The following WDR81 variants were observed in gnomAD, a reference collection of about 807,000 sequenced individuals.
WDR81 encodes WD repeat domain 81, also known as WD repeat-containing protein 81.
A neutral mutation model predicts 140.8 loss-of-function variants in WDR81; 92 were observed. That is an observed-to-expected ratio of 0.65 (90% confidence interval 0.55 to 0.78). The LOEUF is 0.78. Among genes scored for constraint, WDR81 ranks in the 30% least tolerant of loss-of-function variants. WDR81 has a pLI of 0.00. For synonymous variants in WDR81, 1,183 were observed against 1,156.4 expected (o/e 1.02, Z -0.47); for missense variants, 2,502 against 2,636.4 (o/e 0.95, Z 1.12).
At chr17:1,730,003 A>AAGAAGAAG (rs1555563755) in intron 1 of WDR81, among the ~76,000 whole-genome samples, 97 of 145,064 alleles carry the variant, frequency 6.7e-4, no homozygotes, top group East Asian at 1.2e-3. Context: ...AAAAAAAAAA[A>AAGAAGAAG]AAGAAGAAGA....
chr17:1,721,490 G>C (rs894497712), upstream of WDR81, among the ~76,000 whole-genome samples: 1 of 151,696 alleles, frequency 6.6e-6, no homozygotes, highest in African/African-American at 2.4e-5. Context: ...CTGCACTGCA[G>C]CCTGGGTGAC....
At chr17:1,718,856 A>G (rs1914722719) in intron 1 of WDR81, among the ~76,000 whole-genome samples, 1 of 151,640 alleles carries the variant, frequency 6.6e-6, no homozygotes, top group Admixed American at 6.6e-5. Flanking sequence ...CACTGACCCC[A>G]CCCCCTAGGT....
At chr17:1,716,991 C>T (rs1422838420) in intron 1 of WDR81, 1 of 389,450 alleles carries the variant, frequency 2.6e-6, no homozygotes. Flanking sequence ...CCCAGAGCCT[C>T]CCAAGAGGTA....
intron 6 of WDR81, 121 bp downstream of exon 6, chr17:1,732,952 G>T: frequency 1.5e-6 from 2 of 1,317,984 alleles, no homozygotes; most frequent in Middle Eastern, 1.9e-4. Flanking sequence ...GGATGGGTGA[G>T]AGCAAAGGGA....
In WDR81 at chr17:1,737,767, TCCCTC is replaced by T; in HGVS notation, c.*84_*88del. 1 of 1,477,534 alleles carries T rather than the reference TCCCTC, an allele frequency of 6.8e-7. No individual in the cohort carries two copies. Among genetic ancestry groups the T allele is most frequent in the East Asian group, 2.4e-5 (1 of 41,216 alleles). 91.5% of individuals were successfully genotyped at this position (1,477,534 alleles called of 1,614,324 possible). On this transcript the variant is annotated 3_prime_UTR_variant, in exon 10 of 10. Transcript: ENST00000409644. ...CTCACCCTGTTCCCTGAGCAGCAGC[TCCCTC>T]CAGGGAGGCCCTGGGTCCCACGCCC... is the stretch of plus-strand genomic sequence containing the variant.
Position 1,737,389 on chromosome 17 carries a change from A to G in WDR81, c.5530A>G (p.Ser1844Gly). The part of the protein sequence containing the change: ...IKAVEGSVLV[S>G]SSSDHSLTVW... ...GGCGGTGGAGGGCAGCGTCCTGGTC[A>G]GCTCCTCCTCTGACCATTCCTTGAC... is the stretch of plus-strand genomic sequence containing the variant. Residue 1844 changes from serine (S) to glycine (G), a missense_variant, in exon 10 of 10, where the codon AGC becomes GGC. Physicochemically the swap from Ser to Gly is moderately conservative, Grantham distance 56 (BLOSUM62 0). This residue lies in a region of WDR81 where 1,737 missense variants were observed against 1,843.0 expected (regional missense o/e 0.94). Coordinates refer to ENST00000409644, the MANE Select transcript of WDR81 (RefSeq NM_001163809.2). 6.2e-7 allele frequency: 1 copy of G among 1,611,958 alleles called. No individual in the cohort carries two copies. Among genetic ancestry groups the G allele is most frequent in the Non-Finnish European group, 8.5e-7 (1 of 1,179,500 alleles).
At position 1,724,855 on chromosome 17, in the gene WDR81, G is replaced by T; in HGVS notation, c.-105G>T. The T allele has an allele frequency of 8.1e-7, 1 of 1,241,936 alleles. No homozygotes were observed. The allele number at this position is 1,241,936 out of a possible 1,614,324, so 76.9% of individuals were successfully genotyped here. A position where few individuals can be genotyped will look rare whatever the true frequency, so the allele number is the denominator to read the frequency against. ...TGCGGCCGCCTCCGCCCCAGCCCCT[G>T]TCCCGCGCCCATCCCAGCCCCGCCG... On this transcript the variant is annotated 5_prime_UTR_variant, in exon 1 of 10. Transcript: ENST00000409644.
chr17:1,724,674 C>T, upstream of WDR81: 1 of 1,054,210 alleles, frequency 9.5e-7, no homozygotes. Context: ...GCGCTTGTTT[C>T]CGTGCTGGGG....
chr17:1,726,810 A>G lies in WDR81; in HGVS notation c.1851A>G (p.Thr617=). The G allele has an allele frequency of 1.3e-6, 2 of 1,549,574 alleles. No homozygotes were observed. The highest frequency in any genetic ancestry group is 1.2e-5 in the South Asian group (1 of 84,056). Residue 617 remains threonine, a synonymous_variant, in exon 1 of 10, where the codon ACA becomes ACG. Coordinates refer to ENST00000409644, the MANE Select transcript of WDR81 (RefSeq NM_001163809.2). Reference sequence around the variant, plus strand: ...TGGTCCAGACCATCCAGGAGACCACAGGCCGGGAGGACTTCACGGAAAACC... The same window carrying G: ...TGGTCCAGACCATCCAGGAGACCACGGGCCGGGAGGACTTCACGGAAAACC... ...KLLVQTIQET[T]GREDFTENPG... is the part of the protein sequence containing the mutation.
At chr17:1,729,669 A>G (rs753463131) in intron 1 of WDR81, among the ~76,000 whole-genome samples, 3 of 152,020 alleles carry the variant, frequency 2.0e-5, no homozygotes, top group Non-Finnish European at 4.4e-5. Context: ...CCATTAAAGA[A>G]GAGAAGCGGG....
chr17:1,723,643 G>A (rs539361280), upstream of WDR81, among the ~76,000 whole-genome samples: 6 of 151,668 alleles, frequency 4.0e-5, 1 homozygote, highest in South Asian at 1.0e-3. Context: ...CCCCCACCAC[G>A]GCCAGGTAAT....
rs182794413 is a variant in WDR81 at position 1,738,063 on chromosome 17, C to T, written c.*378C>T. The T allele has an allele frequency of 1.2e-3, 390 of 314,192 alleles. 4 individuals are homozygous for T. The East Asian group carries it at 0.023, about 18-fold the overall frequency. 19.5% of individuals were successfully genotyped at this position (314,192 alleles called of 1,614,324 possible). ...CCTGCCCAGCCGGTCTCTAGCCCCT[C>T]AGCCCCCGCTGGGCACTCTCTGTCC... On this transcript the variant is annotated 3_prime_UTR_variant, in exon 10 of 10. Transcript: ENST00000409644.
intron 1 of WDR81, among the ~76,000 whole-genome samples, chr17:1,718,114 TA>T (rs1388897025): frequency 1.3e-5 from 2 of 151,816 alleles, no homozygotes; most frequent in South Asian, 2.1e-4. Flanking sequence ...CCTCCTTATT[TA>T]TTTTTTTTTT....
Position 1,737,396 on chromosome 17 carries a change from C to T in WDR81, c.5537C>T (p.Ser1846Phe), listed in dbSNP as rs779845502. ...GAGGGCAGCGTCCTGGTCAGCTCCT[C>T]CTCTGACCATTCCTTGACCGTCTGG... ...AVEGSVLVSS[S>F]SDHSLTVWKE... Residue 1846 changes from serine (S) to phenylalanine (F), a missense_variant, in exon 10 of 10, where the codon TCC becomes TTC. This residue lies in a region of WDR81 where 1,737 missense variants were observed against 1,843.0 expected (regional missense o/e 0.94). Coordinates refer to ENST00000409644, the MANE Select transcript of WDR81 (RefSeq NM_001163809.2). 6.2e-7 allele frequency: 1 copy of T among 1,612,464 alleles called. No individual in the cohort carries two copies. Among genetic ancestry groups the T allele is most frequent in the Non-Finnish European group, 8.5e-7 (1 of 1,179,764 alleles).
rs770827829 is a variant in WDR81 at position 1,734,144 on chromosome 17, G to C, written c.5107G>C (p.Val1703Leu). The C allele has an allele frequency of 1.9e-6, 3 of 1,599,016 alleles. No homozygotes were observed. The highest frequency in any genetic ancestry group is 2.5e-6 in the Non-Finnish European group (3 of 1,179,672). ...YTQHRKSVFF[V>L]GQLEAPQHVV... ...CCAGCACCGCAAGAGCGTCTTCTTC[G>C]TGGGCCAGCTTGAGGCCCCGCAGCA... The change falls in exon 7 of 10, where the codon GTG becomes CTG. Residue 1703 changes from valine (V) to leucine (L), a missense_variant. Val to Leu is a conservative substitution (Grantham distance 32). Around this residue, in one of 3 missense-constraint regions of WDR81, gnomAD observed 1,737 missense variants for 1,843.0 expected, o/e 0.94. Transcript: ENST00000409644.
chr17:1,724,854 T>C lies in WDR81; in HGVS notation c.-106T>C. On this transcript the variant is annotated 5_prime_UTR_variant, in exon 1 of 10. Transcript: ENST00000409644. ...CTGCGGCCGCCTCCGCCCCAGCCCC[T>C]GTCCCGCGCCCATCCCAGCCCCGCC... The C allele has an allele frequency of 8.1e-7, 1 of 1,231,798 alleles. No homozygotes were observed. Among genetic ancestry groups the C allele is most frequent in the Non-Finnish European group, 1.0e-6 (1 of 987,798 alleles). 76.3% of individuals were successfully genotyped at this position (1,231,798 alleles called of 1,614,324 possible).
chr17:1,733,495 C>A, intron 6 of WDR81, 32 bp from the exon 7 acceptor site: 1 of 1,498,666 alleles, frequency 6.7e-7, no homozygotes, highest in Non-Finnish European at 8.9e-7. Context: ...TGCCATCTTC[C>A]CTGTCTCAGG....
In WDR81 at chr17:1,731,227, G is replaced by C. The variant is rs1486464419; in HGVS notation, c.4126G>C (p.Val1376Leu). ...GATCAGCCATGAGGTCCTGCTGCCC[G>C]TGCTCAGCTTCCTCACCTCCCTCGT... ...PRISHEVLLP[V>L]LSFLTSLVTG... Residue 1376 changes from valine to leucine, a missense_variant, in exon 4 of 10, where the codon GTG becomes CTG. Physicochemically the swap from Val to Leu is conservative, Grantham distance 32 (BLOSUM62 1). Transcript: ENST00000409644. The C allele has an allele frequency of 1.2e-6, 2 of 1,613,460 alleles. No homozygotes were observed. The highest frequency in any genetic ancestry group is 1.7e-6 in the Non-Finnish European group (2 of 1,180,002).
In WDR81 at chr17:1,733,905, A is replaced by G. The variant is rs1213452983; in HGVS notation, c.4868A>G (p.Tyr1623Cys). 1 of 1,612,754 alleles carries G rather than the reference A, an allele frequency of 6.2e-7. No homozygotes were observed. Among genetic ancestry groups the G allele is most frequent in the Non-Finnish European group, 8.5e-7 (1 of 1,179,942 alleles). The change falls in exon 7 of 10, where the codon TAC (tyrosine) becomes TGC (cysteine). Residue 1623 changes from tyrosine (Y) to cysteine (C), a missense_variant. By Grantham distance (194) the Tyr-to-Cys change is radical. Around this residue, in one of 3 missense-constraint regions of WDR81, gnomAD observed 1,737 missense variants for 1,843.0 expected, o/e 0.94. Coordinates refer to ENST00000409644, the MANE Select transcript of WDR81 (RefSeq NM_001163809.2). ...LSGNWLAYWQ[Y>C]EIGVSQQDAH... ...GGAAACTGGCTGGCGTACTGGCAGT[A>G]CGAGATCGGCGTGAGCCAGCAGGAT...
Sources: allele counts gnomAD v4.1 joint callset (sites outside exome capture counted in the v4.1 genomes callset), GRCh38; gene constraint gnomAD v4.1.1; regional missense constraint gnomAD v4.1.1; transcripts MANE v1.5; gene names NCBI Gene and HGNC (gene_info 2026-07-23, HGNC 2026-07-21).